DYNC2H1: variants seen among roughly 807,000 people sequenced by gnomAD.
DYNC2H1 encodes the protein dynein cytoplasmic 2 heavy chain 1.
In DYNC2H1, 410 loss-of-function variants were observed where a neutral mutation model predicts 570.0. That is an observed-to-expected ratio of 0.72 (90% CI 0.66 to 0.78). The LOEUF (loss-of-function observed/expected upper bound fraction) is 0.78, where lower values mean the gene tolerates loss of function less well. DYNC2H1 is among the 30% of genes least tolerant of loss of function. The pLI is 0.00. For synonymous variants in DYNC2H1, 1,688 were observed against 1,677.6 expected, an observed-to-expected ratio of 1.01 and a Z score of -0.15; for missense variants, 4,865 against 5,046.4, an observed-to-expected ratio of 0.96 and a Z score of 1.09.
chr11:103,262,456 G>C (rs1378820759), intron 70 of DYNC2H1, among the ~76,000 whole-genome samples: 2 of 152,136 alleles, frequency 1.3e-5, no homozygotes, highest in African/African-American at 4.8e-5. Context: ...AGAGAGAAAG[G>C]TCGGGTTACT....
intron 87 of DYNC2H1, among the ~76,000 whole-genome samples, chr11:103,464,163 C>T (rs896904993): frequency 6.6e-6 from 1 of 152,022 alleles, no homozygotes; most frequent in Non-Finnish European, 1.5e-5. Context: ...TTTTAGTTTC[C>T]TTGAACAGAT....
Position 103,395,492 on chromosome 11 carries a change from TACACAC to T in DYNC2H1, c.12157-4152_12157-4147del, listed in dbSNP as rs35986938. The stretch of plus-strand genomic sequence containing the variant: ...TATCATATATATATTTATGTATATG[TACACAC>T]ACACACACACACACACACTTCTCTG... On this transcript the variant is annotated intron_variant, in intron 83 of 88. Coordinates refer to ENST00000375735, the MANE Select transcript of DYNC2H1 (RefSeq NM_001377.3). This position sits in a 1 kb window ranked among gnomAD's most constrained non-coding sequence, Gnocchi z 4.3. Among the ~76,000 whole-genome samples the T allele has an allele frequency of 0.15, 22,649 of 149,836 alleles. 1,836 individuals are homozygous for T. The highest frequency in any genetic ancestry group is 0.24 in the Admixed American group (3,622 of 14,964).
chr11:103,175,757 G>T (rs1471354096), intron 36 of DYNC2H1, among the ~76,000 whole-genome samples: 1 of 152,128 alleles, frequency 6.6e-6, no homozygotes, highest in African/African-American at 2.4e-5. Context: ...AGAGGCACCT[G>T]AATTTAGAAT....
At chr11:103,476,455 T>G (rs183527121) in intron 88 of DYNC2H1, among the ~76,000 whole-genome samples, 40 of 151,758 alleles carry the variant, frequency 2.6e-4, no homozygotes, top group Non-Finnish European at 4.4e-4. Context: ...CTCTATGTAC[T>G]GAAATGCTTA....
chr11:103,280,262 AT>A lies in DYNC2H1; in HGVS notation c.10696-81del. 7.4e-7 allele frequency: 1 copy of A among 1,348,648 alleles called. No individual in the cohort carries two copies. Among genetic ancestry groups the A allele is most frequent in the Non-Finnish European group, 1.0e-6 (1 of 968,372 alleles). 83.5% of individuals were successfully genotyped at this position (1,348,648 alleles called of 1,614,324 possible). A position where few individuals can be genotyped will look rare whatever the true frequency, so the allele number is the denominator to read the frequency against. ...TAGGTCATATGAAGACAGAATAGAG[AT>A]TTTTGTGTGCCAAATTTTAACGACT... On this transcript the variant is annotated intron_variant, in intron 70 of 88. Coordinates refer to ENST00000375735, the MANE Select transcript of DYNC2H1 (RefSeq NM_001377.3). The surrounding 1 kb of genome is among the most constrained non-coding windows in gnomAD (Gnocchi z 4.7).
rs1033332747 is a variant in DYNC2H1, at chr11:103,326,301, G to C, written c.12039+2311G>C. Among the ~76,000 whole-genome samples, 2 of 152,132 alleles carry C rather than the reference G, an allele frequency of 1.3e-5. No individual in the cohort carries two copies. The highest frequency in any genetic ancestry group is 4.8e-5 in the African/African-American group (2 of 41,432). On this transcript the variant is annotated intron_variant, in intron 82 of 88. Coordinates refer to ENST00000375735, the MANE Select transcript of DYNC2H1 (RefSeq NM_001377.3). This position sits in a 1 kb window ranked among gnomAD's most constrained non-coding sequence, Gnocchi z 6.1. The stretch of plus-strand genomic sequence containing the variant: ...CCTTGGCTTTGAGTGAGCCTCTTCT[G>C]ATCATTGGCTCCTTCCCCGGGTTTC...
Position 103,245,128 on chromosome 11 carries a change from C to A in DYNC2H1, c.9919-123C>A. 1.2e-6 allele frequency: 1 copy of A among 804,864 alleles called. No individual in the cohort carries two copies. Among genetic ancestry groups the A allele is most frequent in the Non-Finnish European group, 1.8e-6 (1 of 541,270 alleles). The allele number at this position is 804,864 out of a possible 1,614,324, so 49.9% of individuals were successfully genotyped here. A position where few individuals can be genotyped will look rare whatever the true frequency, so the allele number is the denominator to read the frequency against. On this transcript the variant is annotated intron_variant, in intron 64 of 88. Transcript: ENST00000375735. This position sits in a 1 kb window ranked among gnomAD's most constrained non-coding sequence, Gnocchi z 4.5. ...TAATACTTGGGTGAGTAATTTATTACCTATAGAATCTGAAATTGTGTTTCT... is the reference window on the plus strand; with the variant it reads ...TAATACTTGGGTGAGTAATTTATTAACTATAGAATCTGAAATTGTGTTTCT...
rs1335284525 is a variant in DYNC2H1 at position 103,369,686 on chromosome 11, G to A, written c.12156+11327G>A. ...GCCCTTTTTCTAGGCCCTAGCTCCC[G>A]GGCAACATTCGTAGACACTCACTGC... On this transcript the variant is annotated intron_variant, in intron 83 of 88. Coordinates refer to ENST00000375735, the MANE Select transcript of DYNC2H1 (RefSeq NM_001377.3). This position sits in a 1 kb window ranked among gnomAD's most constrained non-coding sequence, Gnocchi z 4.0. Among the ~76,000 whole-genome samples, 3 of 152,140 alleles carry A rather than the reference G, an allele frequency of 2.0e-5. No homozygotes were observed. The highest frequency in any genetic ancestry group is 4.4e-5 in the Non-Finnish European group (3 of 68,042).
In DYNC2H1 at chr11:103,109,530, T is replaced by G; in HGVS notation, c.-45T>G. The G allele has an allele frequency of 1.3e-6, 2 of 1,576,612 alleles. No homozygotes were observed. Among genetic ancestry groups the G allele is most frequent in the Non-Finnish European group, 1.7e-6 (2 of 1,155,078 alleles). On this transcript the variant is annotated 5_prime_UTR_variant, in exon 1 of 89. Transcript: ENST00000375735. ...CTTCACTTCCCTCCGGACTGGTTTC[T>G]TCTTCCTTCCCCCTTCCCCCAACTT...
chr11:103,110,151 C>T (rs1191699814), intron 1 of DYNC2H1, among the ~76,000 whole-genome samples: 1 of 152,038 alleles, frequency 6.6e-6, no homozygotes, highest in Non-Finnish European at 1.5e-5. Flanking sequence ...GCCTCAGCCT[C>T]CCGAGTAGCA....
intron 76 of DYNC2H1, among the ~76,000 whole-genome samples, chr11:103,304,225 A>T (rs1326239376): frequency 6.6e-6 from 1 of 152,176 alleles, no homozygotes; most frequent in Non-Finnish European, 1.5e-5. Context: ...AGATAGCAAA[A>T]TAGCAGCGCT....
At chr11:103,276,234 G>A (rs534750141) in intron 70 of DYNC2H1, among the ~76,000 whole-genome samples, 3 of 151,824 alleles carry the variant, frequency 2.0e-5, no homozygotes, top group Non-Finnish European at 4.4e-5. Context: ...TTTTATAAAA[G>A]AAATTTTACG....
chr11:103,192,796 GTGGGAGTAATGTA>G (rs1862368571), intron 47 of DYNC2H1, among the ~76,000 whole-genome samples: 1 of 152,102 alleles, frequency 6.6e-6, no homozygotes, highest in Admixed American at 6.6e-5. Flanking sequence ...GAAAACTATC[GTGGGAGTAATGTA>G]TGTAATATGA....
Position 103,125,035 on chromosome 11 carries a change from A to G in DYNC2H1, c.1662-65A>G, listed in dbSNP as rs181092524. 1.8e-5 allele frequency: 23 copies of G among 1,277,700 alleles called. No homozygotes were observed. In the East Asian group the frequency reaches 4.0e-4, roughly 22 times the overall value. The allele number at this position is 1,277,700 out of a possible 1,614,324, so 79.1% of individuals were successfully genotyped here. A position where few individuals can be genotyped will look rare whatever the true frequency, so the allele number is the denominator to read the frequency against. On this transcript the variant is annotated intron_variant, in intron 11 of 88. Coordinates refer to ENST00000375735, the MANE Select transcript of DYNC2H1 (RefSeq NM_001377.3). ...ATGTACAGAAAAGTTGTAAAAACCT[A>G]TTGTGTTTATTAGTCAAAACAGTGA...
rs549066210 is a variant in DYNC2H1, at chr11:103,363,049, A to AATAAT, written c.12156+4705_12156+4709dup. ...CTGTCTCAAAATAAATAAATAAATA[A>AATAAT]ATAATATAATATAATATAACAGGCA... is the stretch of plus-strand genomic sequence containing the variant. On this transcript the variant is annotated intron_variant, in intron 83 of 88. Transcript: ENST00000375735. This position sits in a 1 kb window ranked among gnomAD's most constrained non-coding sequence, Gnocchi z 5.6. Among the ~76,000 whole-genome samples, 37 of 151,760 alleles carry AATAAT rather than the reference A, an allele frequency of 2.4e-4. No individual in the cohort carries two copies. The East Asian group carries it at 5.8e-3, about 24-fold the overall frequency.
chr11:103,411,638 A>AAGCCCTT (rs1943091796), intron 84 of DYNC2H1, among the ~76,000 whole-genome samples: 1 of 152,090 alleles, frequency 6.6e-6, no homozygotes, highest in African/African-American at 2.4e-5. Flanking sequence ...GGGCTTAATT[A>AAGCCCTT]TATGAAACAA....
rs61896695 is a variant in DYNC2H1 at position 103,231,197 on chromosome 11, G to T, written c.9354-63G>T. 82,588 of 954,866 alleles carry T rather than the reference G, an allele frequency of 0.086. 4,761 individuals are homozygous for T. The highest frequency in any genetic ancestry group is 0.099 in the Non-Finnish European group (62,790 of 635,818). 59.1% of individuals were successfully genotyped at this position (954,866 alleles called of 1,614,324 possible). Reference sequence around the variant, plus strand: ...TCATATGATTACATTTTAAGGTGCTGCTGCTGCTTTATAGTTGATATCTAA... The same window carrying T: ...TCATATGATTACATTTTAAGGTGCTTCTGCTGCTTTATAGTTGATATCTAA... On this transcript the variant is annotated intron_variant, in intron 59 of 88. Transcript: ENST00000375735.
intron 13 of DYNC2H1, among the ~76,000 whole-genome samples, chr11:103,132,223 A>AT (rs900262131): frequency 5.3e-5 from 8 of 151,424 alleles, no homozygotes; most frequent in South Asian, 2.1e-4. Context: ...AACTCTCTTG[A>AT]TTTTTTCTCA....
chr11:103,235,467 C>T (rs1565418740), intron 61 of DYNC2H1, among the ~76,000 whole-genome samples: 1 of 151,850 alleles, frequency 6.6e-6, no homozygotes, highest in Non-Finnish European at 1.5e-5. Flanking sequence ...TTTGTTTCTA[C>T]AAATATATTA....
Sources: allele counts gnomAD v4.1 joint callset (sites outside exome capture counted in the v4.1 genomes callset), GRCh38; gene constraint gnomAD v4.1.1; non-coding constraint Gnocchi (gnomAD v3.1); transcripts MANE v1.5; gene names NCBI Gene and HGNC (gene_info 2026-07-23, HGNC 2026-07-21).